The following NALCN variants were observed in gnomAD, a reference collection of about 807,000 sequenced individuals.
The protein encoded by NALCN is sodium leak channel, non-selective.
In NALCN, 111 loss-of-function variants were observed where a neutral mutation model predicts 225.3. That is an observed-to-expected ratio of 0.49 (90% CI 0.42 to 0.58). The LOEUF (loss-of-function observed/expected upper bound fraction) is 0.58, where lower values mean the gene tolerates loss of function less well. Ranked by LOEUF, NALCN falls within the 20% of genes least tolerant of loss-of-function variation. NALCN has a pLI of 0.00. For synonymous variants in NALCN, 764 were observed against 769.0 expected (o/e 0.99, Z 0.11); for missense variants, 1,378 against 2,202.4 (o/e 0.63, Z 7.49).
At chr13:101,323,769 A>T (rs1264130142) in intron 7 of NALCN, among the ~76,000 whole-genome samples, 1 of 152,218 alleles carries the variant, frequency 6.6e-6, no homozygotes, top group Non-Finnish European at 1.5e-5. Flanking sequence ...TAAGACAGGG[A>T]AACAGTCACA....
chr13:101,240,123 A>C (rs958651335), intron 11 of NALCN, among the ~76,000 whole-genome samples: 18 of 152,194 alleles, frequency 1.2e-4, no homozygotes, highest in African/African-American at 4.3e-4. Flanking sequence ...TCTAACTTTG[A>C]TATTGTTAGT....
chr13:101,073,707 G>A lies in NALCN; in HGVS notation c.4104-30C>T. The A allele has an allele frequency of 1.9e-6, 3 of 1,566,220 alleles. 1 individual carries two copies. In the South Asian group the frequency reaches 3.4e-5, roughly 18 times the overall value. On this transcript the variant is annotated intron_variant, in intron 36 of 43. Coordinates refer to ENST00000251127, the MANE Select transcript of NALCN (RefSeq NM_052867.4). ...TTTAAGAAAAAAAAATTAACAGAAT[G>A]TGAATTATAGAAGGGTTTGTCATGA...
intron 3 of NALCN, among the ~76,000 whole-genome samples, chr13:101,384,444 CA>C (rs967603517): frequency 3.3e-5 from 5 of 151,874 alleles, no homozygotes; most frequent in African/African-American, 1.2e-4. Context: ...AAGTATTTAA[CA>C]AGCAGAAAAA....
At chr13:101,315,914 C>A (rs2044537315) in intron 7 of NALCN, among the ~76,000 whole-genome samples, 1 of 151,904 alleles carries the variant, frequency 6.6e-6, no homozygotes, top group African/African-American at 2.4e-5. Context: ...ATCTGATATG[C>A]TCCTGATCTG....
chr13:101,218,710 C>T (rs1199819388), intron 13 of NALCN, among the ~76,000 whole-genome samples: 1 of 151,990 alleles, frequency 6.6e-6, no homozygotes, highest in Non-Finnish European at 1.5e-5. Flanking sequence ...TGTAGCACCT[C>T]CTCTCTCTTT....
intron 7 of NALCN, among the ~76,000 whole-genome samples, chr13:101,340,412 C>T (rs1011543770): frequency 6.6e-6 from 1 of 152,196 alleles, no homozygotes; most frequent in East Asian, 1.9e-4. Flanking sequence ...TATCTATGTC[C>T]TGCCCTCCCT....
At chr13:101,369,341 T>C (rs1479032915) in intron 6 of NALCN, among the ~76,000 whole-genome samples, 2 of 152,174 alleles carry the variant, frequency 1.3e-5, no homozygotes, top group African/African-American at 2.4e-5. Flanking sequence ...GATAAAGTAA[T>C]GAGCTGGAGC....
chr13:101,059,199 G>A (rs16958193), intron 42 of NALCN: 12,208 of 152,406 alleles, frequency 0.08, 675 homozygotes, highest in African/African-American at 0.15. Context: ...CCAGGACGCT[G>A]ATAACTCCTT....
At chr13:101,176,602 A>T (rs2038968994) in intron 14 of NALCN, among the ~76,000 whole-genome samples, 1 of 152,230 alleles carries the variant, frequency 6.6e-6, no homozygotes, top group Non-Finnish European at 1.5e-5. Context: ...TATGAAACCA[A>T]CTTACTTAAA....
At chr13:101,376,427 G>C (rs2046691147) in intron 6 of NALCN, among the ~76,000 whole-genome samples, 1 of 152,108 alleles carries the variant, frequency 6.6e-6, no homozygotes, top group Non-Finnish European at 1.5e-5. Context: ...TGAGGAAGGA[G>C]AAACGCTTGA....
intron 2 of NALCN, among the ~76,000 whole-genome samples, 196 bp from the exon 3 acceptor site, chr13:101,395,561 C>T (rs2047267995): frequency 6.6e-6 from 1 of 152,170 alleles, no homozygotes; most frequent in Non-Finnish European, 1.5e-5. Flanking sequence ...ATTTAATTCT[C>T]AAGGCACCTA....
chr13:101,116,605 G>A, intron 18 of NALCN: 1 of 503,006 alleles, frequency 2.0e-6, no homozygotes, highest in Non-Finnish European at 3.9e-6. Context: ...GTAATGAAAG[G>A]GAGAGGCCTA....
chr13:101,388,052 A>G (rs913522068), intron 3 of NALCN, among the ~76,000 whole-genome samples: 4 of 152,162 alleles, frequency 2.6e-5, no homozygotes, highest in Non-Finnish European at 5.9e-5. Flanking sequence ...AGTCTGTAGT[A>G]TAAAAATAAT....
At chr13:101,352,531 A>G (rs2139328852) in intron 6 of NALCN, among the ~76,000 whole-genome samples, 1 of 152,282 alleles carries the variant, frequency 6.6e-6, no homozygotes, top group Non-Finnish European at 1.5e-5. Context: ...CTGTTTAGTG[A>G]GATACAAGGA....
intron 17 of NALCN, among the ~76,000 whole-genome samples, chr13:101,128,988 C>T (rs1166524152): frequency 6.6e-6 from 1 of 152,166 alleles, no homozygotes; most frequent in African/African-American, 2.4e-5. Context: ...TGGTTTCATC[C>T]CTTTGGCAAG....
intron 17 of NALCN, among the ~76,000 whole-genome samples, chr13:101,141,061 A>C (rs1177672582): frequency 6.6e-6 from 1 of 152,232 alleles, no homozygotes; most frequent in Non-Finnish European, 1.5e-5. Flanking sequence ...TTTAGAAGCA[A>C]AGGATGACCT....
chr13:101,122,114 T>C (rs1317503231), intron 18 of NALCN, among the ~76,000 whole-genome samples: 1 of 152,174 alleles, frequency 6.6e-6, no homozygotes, highest in Non-Finnish European at 1.5e-5. Context: ...AATGCAGGTA[T>C]GGTATCATTG....
chr13:101,084,971 T>C (rs1270076181), intron 30 of NALCN, among the ~76,000 whole-genome samples: 1 of 152,200 alleles, frequency 6.6e-6, no homozygotes, highest in African/African-American at 2.4e-5. Flanking sequence ...ATACTTGATA[T>C]TGCCAGACAT....
chr13:101,145,432 C>T (rs534867476), intron 15 of NALCN, among the ~76,000 whole-genome samples: 2 of 152,270 alleles, frequency 1.3e-5, no homozygotes, highest in East Asian at 3.9e-4. Flanking sequence ...GTCCATGCAG[C>T]GAGTTTTCCA....
Sources: allele counts gnomAD v4.1 joint callset (sites outside exome capture counted in the v4.1 genomes callset), GRCh38; gene constraint gnomAD v4.1.1; transcripts MANE v1.5; gene names NCBI Gene and HGNC (gene_info 2026-07-23, HGNC 2026-07-21).